Variants in CERKL observed in about 807,000 individuals in gnomAD.
CERKL encodes ceramide kinase-like protein.
In CERKL, 61 loss-of-function variants were observed where a neutral mutation model predicts 63.4. The ratio of observed to expected loss-of-function variants is 0.96; its 90% CI spans 0.78 to 1.19. The LOEUF is 1.19. Among genes scored for constraint, CERKL ranks in the 50% most tolerant of loss-of-function variants. The pLI is 0.00. For synonymous variants in CERKL, 250 were observed against 230.5 expected (o/e 1.08, Z -0.77); for missense variants, 675 against 655.5 (o/e 1.03, Z -0.33).
chr2:181,651,979 A>C (rs1687958699), intron 1 of CERKL, among the ~76,000 whole-genome samples: 1 of 152,196 alleles, frequency 6.6e-6, no homozygotes, highest in Admixed American at 6.5e-5. Context: ...GAAAAGTATA[A>C]AACTTTGATG....
chr2:181,553,576 G>T (rs889307249), intron 5 of CERKL, among the ~76,000 whole-genome samples: 10 of 152,186 alleles, frequency 6.6e-5, no homozygotes, highest in Non-Finnish European at 1.2e-4. Context: ...TGGTGGGTAT[G>T]CCCAAGTACA....
At chr2:181,648,649 C>T (rs189817186) in intron 1 of CERKL, among the ~76,000 whole-genome samples, 2 of 152,254 alleles carry the variant, frequency 1.3e-5, no homozygotes, top group African/African-American at 4.8e-5. Flanking sequence ...CAGAATTCCC[C>T]AGTGATATCA....
intron 2 of CERKL, among the ~76,000 whole-genome samples, chr2:181,601,910 C>T (rs1241055083): frequency 6.6e-6 from 1 of 152,190 alleles, no homozygotes; most frequent in East Asian, 1.9e-4. Context: ...CCCTGAGTGC[C>T]TCCAGCTCTT....
intron 10 of CERKL, among the ~76,000 whole-genome samples, chr2:181,547,053 G>A (rs1470697908): frequency 6.6e-6 from 1 of 152,090 alleles, no homozygotes; most frequent in Non-Finnish European, 1.5e-5. Flanking sequence ...GAGTTTCCCT[G>A]CACAAGCTCT....
At chr2:181,596,414 A>T (rs1233536388) in intron 2 of CERKL, among the ~76,000 whole-genome samples, 1 of 152,192 alleles carries the variant, frequency 6.6e-6, no homozygotes, top group African/African-American at 2.4e-5. Context: ...TCCCAAGTAT[A>T]AATAGAATGA....
chr2:181,564,612 A>G (rs1574453779), intron 4 of CERKL, among the ~76,000 whole-genome samples: 1 of 152,302 alleles, frequency 6.6e-6, no homozygotes, highest in East Asian at 1.9e-4. Flanking sequence ...CCCAGTACAA[A>G]TACCAGTAAA....
At chr2:181,632,344 A>G (rs1686999701) in intron 1 of CERKL, among the ~76,000 whole-genome samples, 2 of 152,222 alleles carry the variant, frequency 1.3e-5, no homozygotes, top group African/African-American at 4.8e-5. Context: ...TTTTAATTAT[A>G]AAGAGTGTGT....
chr2:181,614,961 CAT>C (rs1183522686), intron 1 of CERKL, among the ~76,000 whole-genome samples: 2 of 152,134 alleles, frequency 1.3e-5, no homozygotes, highest in African/African-American at 2.4e-5. Context: ...TTATGAATGA[CAT>C]ATAATTTTGC....
chr2:181,637,194 A>G (rs1037279562), intron 1 of CERKL, among the ~76,000 whole-genome samples: 4 of 152,336 alleles, frequency 2.6e-5, no homozygotes, highest in Non-Finnish European at 4.4e-5. Flanking sequence ...GATTTTAAAA[A>G]GCAAAATTGC....
chr2:181,576,590 G>A (rs959926501), intron 2 of CERKL, among the ~76,000 whole-genome samples: 5 of 152,172 alleles, frequency 3.3e-5, no homozygotes, highest in African/African-American at 1.2e-4. Context: ...GAAGCACGGT[G>A]AATTTCAATC....
chr2:181,559,299 C>G (rs1383824811), intron 4 of CERKL, among the ~76,000 whole-genome samples: 1 of 152,062 alleles, frequency 6.6e-6, no homozygotes, highest in African/African-American at 2.4e-5. Context: ...GATAGTACTA[C>G]TAGTATATTT....
Position 181,550,692 on chromosome 2 carries a change from TTG to T in CERKL, c.821-986_821-985del, listed in dbSNP as rs1490805267. On this transcript the variant is annotated intron_variant, in intron 5 of 12. Transcript: ENST00000410087. This position sits in a 1 kb window ranked among gnomAD's most constrained non-coding sequence, Gnocchi z 4.5. ...TGTGATCATACATAATTGCTTCAAT[TTG>T]TGTTACTTTGAACTGATATGTACTT... Among the ~76,000 whole-genome samples the T allele has an allele frequency of 7.9e-5, 12 of 152,158 alleles. No individual in the cohort carries two copies. The highest frequency in any genetic ancestry group is 1.0e-4 in the Non-Finnish European group (7 of 68,040).
At chr2:181,652,480 T>A (rs557568051) in intron 1 of CERKL, among the ~76,000 whole-genome samples, 1 of 152,048 alleles carries the variant, frequency 6.6e-6, no homozygotes, top group Admixed American at 6.5e-5. Context: ...TCTCACCATA[T>A]ACAAAAATAA....
At chr2:181,595,629 T>C (rs1220180704) in intron 2 of CERKL, among the ~76,000 whole-genome samples, 1 of 152,210 alleles carries the variant, frequency 6.6e-6, no homozygotes, top group African/African-American at 2.4e-5. Context: ...TACAGATTTA[T>C]TCCCAGCTCC....
chr2:181,635,574 C>T (rs1012528982), intron 1 of CERKL, among the ~76,000 whole-genome samples: 3 of 152,118 alleles, frequency 2.0e-5, no homozygotes, highest in Non-Finnish European at 1.5e-5. Flanking sequence ...AACATGAAAA[C>T]ATACTTAAAA....
chr2:181,593,646 C>T (rs1490445187), intron 2 of CERKL, among the ~76,000 whole-genome samples: 1 of 151,888 alleles, frequency 6.6e-6, no homozygotes, highest in Non-Finnish European at 1.5e-5. Flanking sequence ...CCTTAGATTT[C>T]AAAGGACCCT....
chr2:181,647,514 A>G (rs1687723220), intron 1 of CERKL, among the ~76,000 whole-genome samples: 1 of 152,176 alleles, frequency 6.6e-6, no homozygotes, highest in South Asian at 2.1e-4. Flanking sequence ...ATTGCTGTGA[A>G]GATTACAGCT....
At chr2:181,652,779 CT>C (rs35879462) in intron 1 of CERKL, among the ~76,000 whole-genome samples, 115,537 of 142,562 alleles carry the variant, frequency 0.81, 48,838 homozygotes, top group East Asian at 0.97. Flanking sequence ...ATAATAATGA[CT>C]TTTTTTTTTT....
chr2:181,538,638 T>G (rs1687329272), intron 12 of CERKL, among the ~76,000 whole-genome samples: 1 of 152,122 alleles, frequency 6.6e-6, no homozygotes, highest in South Asian at 2.1e-4. Context: ...CAAGGGAAGT[T>G]GAATGCTCTG....
Sources: gnomAD v4.1 joint callset for allele counts (sites outside exome capture counted in the v4.1 genomes callset) on GRCh38, gnomAD v4.1.1 for gene constraint, Gnocchi (gnomAD v3.1) non-coding constraint, MANE v1.5 for transcripts, NCBI Gene and HGNC (gene_info 2026-07-23, HGNC 2026-07-21) for gene names.